OR3A2: variants seen among roughly 807,000 people sequenced by gnomAD.
OR3A2 encodes the protein olfactory receptor family 3 subfamily A member 2.
For missense variants in OR3A2, 318 were observed against 392.8 expected, an observed-to-expected ratio of 0.81 and a Z score of 1.61; for synonymous variants, 126 against 159.3, an observed-to-expected ratio of 0.79 and a Z score of 1.57.
chr17:3,375,635 G>A (rs2049676959), intron 2 of OR3A2, among the ~76,000 whole-genome samples: 1 of 152,104 alleles, frequency 6.6e-6, no homozygotes, highest in African/African-American at 2.4e-5. Context: ...TCCATTGCTG[G>A]AAAGCTAGTG....
intron 1 of OR3A2, among the ~76,000 whole-genome samples, chr17:3,280,904 G>A (rs1214587673): frequency 6.6e-6 from 1 of 152,204 alleles, no homozygotes; most frequent in Non-Finnish European, 1.5e-5. Flanking sequence ...ACGGGTTGGT[G>A]GCACGGTCTT....
chr17:3,349,791 TC>T (rs2049403355), intron 2 of OR3A2, among the ~76,000 whole-genome samples: 1 of 151,686 alleles, frequency 6.6e-6, no homozygotes, highest in Admixed American at 6.6e-5. Context: ...AGTAAAGCAC[TC>T]CTCAGCAAAT....
At chr17:3,356,351 T>G (rs192003047) in intron 2 of OR3A2, among the ~76,000 whole-genome samples, 1 of 151,668 alleles carries the variant, frequency 6.6e-6, no homozygotes, top group African/African-American at 2.4e-5. Context: ...TAATTTTTCC[T>G]TGCTCATTAA....
In OR3A2 at chr17:3,331,199, T is replaced by C. The variant is rs11871428; in HGVS notation, c.-85+4834A>G. Among the ~76,000 whole-genome samples the C allele has an allele frequency of 4.1e-3, 621 of 152,104 alleles. 1 individual carries two copies. The highest frequency in any genetic ancestry group is 7.1e-3 in the Non-Finnish European group (484 of 68,010). ...AATCTGACAATTATGTGTCTTGGAG[T>C]TGCTCTTCTCAAGGAGTAACTTTGT... On this transcript the variant is annotated intron_variant, in intron 3 of 4. Transcript: ENST00000573491.
intron 3 of OR3A2, among the ~76,000 whole-genome samples, chr17:3,324,125 T>C (rs1020006746): frequency 6.6e-6 from 1 of 152,230 alleles, no homozygotes; most frequent in East Asian, 1.9e-4. Flanking sequence ...CCATCACTGA[T>C]ACCCTTTCTT....
At chr17:3,345,527 T>A (rs2049356568) in intron 2 of OR3A2, among the ~76,000 whole-genome samples, 1 of 150,426 alleles carries the variant, frequency 6.6e-6, no homozygotes, top group African/African-American at 2.4e-5. Context: ...CCTTAGAAAG[T>A]GAAATAAAAT....
chr17:3,342,499 T>C (rs1291573496), intron 2 of OR3A2, among the ~76,000 whole-genome samples: 3 of 152,218 alleles, frequency 2.0e-5, no homozygotes, highest in African/African-American at 7.2e-5. Flanking sequence ...TTTCTGTTGT[T>C]AGTTTTCCTT....
intron 3 of OR3A2, among the ~76,000 whole-genome samples, chr17:3,331,591 T>C (rs1200421834): frequency 6.6e-6 from 1 of 151,994 alleles, no homozygotes; most frequent in African/African-American, 2.4e-5. Context: ...CTTCTCTGTA[T>C]TGGTTATTCT....
chr17:3,385,705 TA>T (rs2049771645), intron 1 of OR3A2, among the ~76,000 whole-genome samples: 1 of 152,196 alleles, frequency 6.6e-6, no homozygotes, highest in Non-Finnish European at 1.5e-5. Flanking sequence ...AGTTACCCAC[TA>T]CGCTAGAACA....
At chr17:3,370,067 T>G (rs1489901263) in intron 2 of OR3A2, among the ~76,000 whole-genome samples, 1 of 152,182 alleles carries the variant, frequency 6.6e-6, no homozygotes, top group Non-Finnish European at 1.5e-5. Context: ...CCTCCCAAAG[T>G]GCTGAGATTA....
chr17:3,383,841 C>T (rs1286186297), exon 2 of OR3A2: 1 of 152,134 alleles, frequency 6.6e-6, no homozygotes, highest in Non-Finnish European at 1.5e-5. Context: ...GGAGTTTGTC[C>T]ATCACCCTCT....
At chr17:3,369,813 T>C (rs1276807032) in intron 2 of OR3A2, among the ~76,000 whole-genome samples, 2 of 151,092 alleles carry the variant, frequency 1.3e-5, no homozygotes, top group Non-Finnish European at 2.9e-5. Flanking sequence ...TACTTTTTTT[T>C]TTTTTTTTGA....
intron 3 of OR3A2, among the ~76,000 whole-genome samples, chr17:3,318,125 G>A (rs2049092267): frequency 6.6e-6 from 1 of 152,172 alleles, no homozygotes; most frequent in African/African-American, 2.4e-5. Context: ...GCCAGGGCTA[G>A]GATTGGGGAG....
intron 2 of OR3A2, among the ~76,000 whole-genome samples, chr17:3,357,566 A>C (rs1175841212): frequency 6.6e-6 from 1 of 151,562 alleles, no homozygotes; most frequent in Admixed American, 6.6e-5. Context: ...GGAGAGGAGA[A>C]GGAGAGTTTT....
rs541744547 is a variant in OR3A2, at chr17:3,381,303, T to C, written c.-179+2501A>G. Among the ~76,000 whole-genome samples the C allele has an allele frequency of 2.3e-4, 34 of 150,972 alleles. No individual in the cohort carries two copies. In the East Asian group the frequency reaches 5.6e-3, roughly 25 times the overall value. On this transcript the variant is annotated intron_variant, in intron 2 of 4. Transcript: ENST00000573491. ...TAGCATGGAGTTGAAGGCAGTGAGCTGCCTCAAACATAGGGTTTTTTTTTT... is the reference window on the plus strand; with the variant it reads ...TAGCATGGAGTTGAAGGCAGTGAGCCGCCTCAAACATAGGGTTTTTTTTTT...
intron 3 of OR3A2, among the ~76,000 whole-genome samples, chr17:3,296,191 G>A (rs912582460): frequency 9.9e-5 from 15 of 151,984 alleles, no homozygotes; most frequent in African/African-American, 3.6e-4. Context: ...AAAGAAACAT[G>A]ATTTTAAAAA....
intron 3 of OR3A2, among the ~76,000 whole-genome samples, chr17:3,321,222 T>A (rs1420329502): frequency 2.0e-5 from 3 of 151,602 alleles, no homozygotes; most frequent in African/African-American, 7.3e-5. Context: ...TTTTTGTACA[T>A]TGATTTTGTA....
At position 3,331,603 on chromosome 17, in the gene OR3A2, C is replaced by G. The variant is rs1226732913; in HGVS notation, c.-85+4430G>C. Among the ~76,000 whole-genome samples, 6 of 151,988 alleles carry G rather than the reference C, an allele frequency of 3.9e-5. No individual in the cohort carries two copies. The South Asian group carries it at 8.3e-4, about 21-fold the overall frequency. ...GCACTTCTCTGTATTGGTTATTCTACTTATACATTCTTCTAAATTTCTTTC... is the reference window on the plus strand; with the variant it reads ...GCACTTCTCTGTATTGGTTATTCTAGTTATACATTCTTCTAAATTTCTTTC... On this transcript the variant is annotated intron_variant, in intron 3 of 4. Transcript: ENST00000573491.
intron 3 of OR3A2, among the ~76,000 whole-genome samples, chr17:3,322,810 A>G (rs2049135959): frequency 1.3e-5 from 2 of 152,026 alleles, no homozygotes; most frequent in Non-Finnish European, 2.9e-5. Context: ...TCAATTTTCG[A>G]ATAGGTGTGG....
Sources: allele counts gnomAD v4.1 joint callset (sites outside exome capture counted in the v4.1 genomes callset), GRCh38; gene constraint gnomAD v4.1.1; transcripts MANE v1.5; gene names NCBI Gene and HGNC (gene_info 2026-07-23, HGNC 2026-07-21).